Variants in TAFA1 observed in about 807,000 individuals in gnomAD.
TAFA1 encodes the protein TAFA chemokine like family member 1, also known as chemokine-like protein TAFA-1.
A neutral mutation model predicts 18.5 loss-of-function variants in TAFA1; 4 were observed. That is an observed-to-expected ratio of 0.22 (90% CI 0.11 to 0.49). TAFA1 has a LOEUF of 0.49. Ranked by LOEUF, TAFA1 falls within the 20% of genes least tolerant of loss-of-function variation. The pLI is 0.98. For synonymous variants in TAFA1, 56 were observed against 55.2 expected (o/e 1.01, Z -0.06); for missense variants, 147 against 169.0 (o/e 0.87, Z 0.72).
intron 2 of TAFA1, among the ~76,000 whole-genome samples, chr3:68,208,647 C>A (rs535312030): frequency 6.6e-6 from 1 of 151,908 alleles, no homozygotes; most frequent in Non-Finnish European, 1.5e-5. Context: ...TTGGCCTGAA[C>A]AATATTTTAA....
At chr3:68,173,547 A>G (rs1401029543) in intron 2 of TAFA1, among the ~76,000 whole-genome samples, 2 of 152,214 alleles carry the variant, frequency 1.3e-5, no homozygotes, top group Non-Finnish European at 2.9e-5. Context: ...GGGGACATAT[A>G]TTTATATGAA....
intron 2 of TAFA1, among the ~76,000 whole-genome samples, chr3:68,407,662 T>C (rs149737616): frequency 3.2e-4 from 48 of 152,056 alleles, no homozygotes; most frequent in African/African-American, 1.1e-3. Flanking sequence ...CAGATGAGAA[T>C]CTTGAAATAT....
At chr3:68,475,051 T>C (rs1479069528) in intron 3 of TAFA1, among the ~76,000 whole-genome samples, 1 of 152,148 alleles carries the variant, frequency 6.6e-6, no homozygotes, top group African/African-American at 2.4e-5. Flanking sequence ...CCATTGATGA[T>C]AAAACTGAAA....
At chr3:68,209,213 C>T (rs1224331925) in intron 2 of TAFA1, among the ~76,000 whole-genome samples, 2 of 152,120 alleles carry the variant, frequency 1.3e-5, no homozygotes, top group South Asian at 2.1e-4. Context: ...AATTTCAGCC[C>T]TGTGAGACCT....
chr3:68,132,697 T>G (rs2065556736), intron 2 of TAFA1, among the ~76,000 whole-genome samples: 1 of 152,220 alleles, frequency 6.6e-6, no homozygotes, highest in African/African-American at 2.4e-5. Flanking sequence ...TCTGTTCATA[T>G]TCTTTGCCCA....
At chr3:68,097,457 C>G (rs2065099436) in intron 2 of TAFA1, among the ~76,000 whole-genome samples, 1 of 152,134 alleles carries the variant, frequency 6.6e-6, no homozygotes, top group Non-Finnish European at 1.5e-5. Context: ...ATACTAAACA[C>G]TTCTCATTTG....
intron 2 of TAFA1, among the ~76,000 whole-genome samples, chr3:68,257,317 A>G (rs1399973661): frequency 6.6e-6 from 1 of 152,080 alleles, no homozygotes; most frequent in Non-Finnish European, 1.5e-5. Context: ...AACAGGGCAT[A>G]CTGACCTTTT....
chr3:68,156,781 A>T (rs74280249), intron 2 of TAFA1, among the ~76,000 whole-genome samples: 2 of 127,040 alleles, frequency 1.6e-5, no homozygotes, highest in African/African-American at 2.7e-5. Context: ...CCAGGGAAAA[A>T]AATAATAAGT....
chr3:68,097,587 T>A (rs1028747148), intron 2 of TAFA1, among the ~76,000 whole-genome samples: 1 of 152,178 alleles, frequency 6.6e-6, no homozygotes, highest in Non-Finnish European at 1.5e-5. Context: ...ATTCATTCAA[T>A]AAGATATGAG....
chr3:68,524,460 C>A (rs1003629670), intron 3 of TAFA1, among the ~76,000 whole-genome samples: 2 of 151,968 alleles, frequency 1.3e-5, no homozygotes, highest in African/African-American at 4.8e-5. Context: ...TGTAATTGTT[C>A]TTACAATCAG....
intron 2 of TAFA1, among the ~76,000 whole-genome samples, chr3:68,112,558 C>T (rs1225680894): frequency 6.6e-6 from 1 of 151,998 alleles, no homozygotes; most frequent in Non-Finnish European, 1.5e-5. Flanking sequence ...TCCCCATTCC[C>T]TTAGAGTCTG....
intron 3 of TAFA1, among the ~76,000 whole-genome samples, chr3:68,462,082 TAA>T (rs1232745369): frequency 2.6e-5 from 4 of 152,170 alleles, no homozygotes; most frequent in Non-Finnish European, 5.9e-5. Flanking sequence ...CAATGGCAGA[TAA>T]AAAAGACAAA....
intron 2 of TAFA1, among the ~76,000 whole-genome samples, chr3:68,340,537 C>G (rs967293598): frequency 1.3e-5 from 2 of 152,202 alleles, no homozygotes; most frequent in African/African-American, 4.8e-5. Context: ...CACCATCGCA[C>G]TCTACTCCTT....
At chr3:68,431,456 C>G (rs2071169641) in intron 3 of TAFA1, among the ~76,000 whole-genome samples, 1 of 151,940 alleles carries the variant, frequency 6.6e-6, no homozygotes, top group Non-Finnish European at 1.5e-5. Context: ...ACCTAATCTT[C>G]ATAACAATGC....
At chr3:68,356,113 A>G (rs1042342437) in intron 2 of TAFA1, among the ~76,000 whole-genome samples, 4 of 151,894 alleles carry the variant, frequency 2.6e-5, no homozygotes, top group African/African-American at 4.8e-5. Context: ...TTTCCACCAC[A>G]ATAGAAAGTT....
chr3:68,372,636 G>T lies in TAFA1; in HGVS notation c.119-44644G>T, dbSNP rs141128879. On this transcript the variant is annotated intron_variant, in intron 2 of 4. Transcript: ENST00000478136. Reference sequence around the variant, plus strand: ...AGGTGAAGAAATTCTAGAGCATAATGCAGTATAGCCTTGTTTTCAGGAAGA... The same window carrying T: ...AGGTGAAGAAATTCTAGAGCATAATTCAGTATAGCCTTGTTTTCAGGAAGA... Among the ~76,000 whole-genome samples the T allele has an allele frequency of 3.3e-3, 496 of 152,274 alleles. 4 individuals are homozygous for T. Among genetic ancestry groups the T allele is most frequent in the African/African-American group, 0.011 (471 of 41,562 alleles).
rs796478465 is a variant in TAFA1, at chr3:68,248,801, G to C, written c.119-168479G>C. 6.7e-4 allele frequency among the ~76,000 whole-genome samples: 102 copies of C among 151,922 alleles called. 1 individual carries two copies. Among genetic ancestry groups the C allele is most frequent in the African/African-American group, 2.4e-3 (99 of 41,442 alleles). ...AAGTTTGCCAGGTGCAGGTCATTAG[G>C]GGAGGGTGTTAAGTAAAAATGCTGT... On this transcript the variant is annotated intron_variant, in intron 2 of 4. Transcript: ENST00000478136.
chr3:68,512,863 G>T (rs992274258), intron 3 of TAFA1, among the ~76,000 whole-genome samples: 2 of 151,992 alleles, frequency 1.3e-5, no homozygotes, highest in African/African-American at 4.8e-5. Context: ...CCTTGAGAAA[G>T]TCCTCTTTAG....
chr3:68,296,580 A>T (rs1034749634), intron 2 of TAFA1, among the ~76,000 whole-genome samples: 15 of 152,320 alleles, frequency 9.8e-5, no homozygotes, highest in African/African-American at 3.4e-4. Context: ...TACTCAAAAA[A>T]AAAAAAGATA....
Sources: gnomAD v4.1 joint callset for allele counts (sites outside exome capture counted in the v4.1 genomes callset) on GRCh38, gnomAD v4.1.1 for gene constraint, MANE v1.5 for transcripts, NCBI Gene and HGNC (gene_info 2026-07-23, HGNC 2026-07-21) for gene names.